BTF3L4: variants seen among roughly 807,000 people sequenced by gnomAD.
BTF3L4 encodes transcription factor BTF3 homolog 4.
A neutral mutation model predicts 16.8 loss-of-function variants in BTF3L4; 6 were observed. The observed-to-expected ratio is 0.36, with a 90% CI of 0.20 to 0.71. The LOEUF is 0.71. Ranked by LOEUF, BTF3L4 falls within the 30% of genes least tolerant of loss-of-function variation. The probability of loss-of-function intolerance (pLI) is 0.58; values close to 1 mark genes in which losing one functional copy is unlikely to be tolerated. For missense variants in BTF3L4, 92 were observed against 186.9 expected, an observed-to-expected ratio of 0.49 and a Z score of 2.96; for synonymous variants, 39 against 59.8, an observed-to-expected ratio of 0.65 and a Z score of 1.60.
intron 3 of BTF3L4, among the ~76,000 whole-genome samples, chr1:52,074,327 A>C (rs997814147): frequency 1.3e-5 from 2 of 151,602 alleles, no homozygotes; most frequent in African/African-American, 2.4e-5. Context: ...ACTCCCAAGT[A>C]GTAGCCGGGA....
At chr1:52,084,742 T>G (rs2124448040) in intron 4 of BTF3L4, among the ~76,000 whole-genome samples, 1 of 150,530 alleles carries the variant, frequency 6.6e-6, no homozygotes, top group African/African-American at 2.4e-5. Context: ...CAGTGAGCTA[T>G]GGAAAGCCAC....
intron 1 of BTF3L4, among the ~76,000 whole-genome samples, chr1:52,059,595 A>T (rs933658950): frequency 3.3e-5 from 5 of 152,190 alleles, no homozygotes; most frequent in Non-Finnish European, 7.4e-5. Context: ...TTTGAATCCC[A>T]TTCTACTTTC....
At chr1:52,059,137 T>A (rs1686448047) in intron 1 of BTF3L4, among the ~76,000 whole-genome samples, 1 of 151,960 alleles carries the variant, frequency 6.6e-6, no homozygotes, top group Non-Finnish European at 1.5e-5. Context: ...CAATGAAGCA[T>A]TTTACCCTGT....
At position 52,061,680 on chromosome 1, in the gene BTF3L4, G is replaced by A. The variant is rs545822466; in HGVS notation, c.54+1779G>A. 8.7e-5 allele frequency among the ~76,000 whole-genome samples: 8 copies of A among 92,020 alleles called. No individual in the cohort carries two copies. In the South Asian group the frequency reaches 2.4e-3, roughly 28 times the overall value. The allele number at this position is 92,020 out of a possible 152,430, so 60.4% of individuals were successfully genotyped here. ...TTTGAGACGGAGTTTTGGTCTTGTT[G>A]CCCAGGCTGGAGTTCAATGGCACGA... On this transcript the variant is annotated intron_variant, in intron 2 of 5. Coordinates refer to ENST00000313334, the MANE Select transcript of BTF3L4 (RefSeq NM_152265.5).
At chr1:52,066,181 C>G (rs1686642946) in intron 3 of BTF3L4, among the ~76,000 whole-genome samples, 1 of 151,906 alleles carries the variant, frequency 6.6e-6, no homozygotes, top group Non-Finnish European at 1.5e-5. Context: ...TGCACCTCTG[C>G]CTGATGATTC....
intron 2 of BTF3L4, among the ~76,000 whole-genome samples, chr1:52,060,144 A>T (rs1686471899): frequency 6.6e-6 from 1 of 152,196 alleles, no homozygotes; most frequent in South Asian, 2.1e-4. Context: ...TAGTTATATG[A>T]TGTGAACAAG....
chr1:52,075,485 A>G (rs1295925726), intron 3 of BTF3L4, among the ~76,000 whole-genome samples: 5 of 149,522 alleles, frequency 3.3e-5, no homozygotes, highest in Non-Finnish European at 1.5e-5. Context: ...TCGCACCACT[A>G]CACTACAGCC....
At chr1:52,071,931 C>CTGTGTGTGTGTGTGTGTGTG (rs59491944) in intron 3 of BTF3L4, among the ~76,000 whole-genome samples, 2 of 127,898 alleles carry the variant, frequency 1.6e-5, no homozygotes, top group Admixed American at 8.2e-5. Flanking sequence ...GTTTTTTACT[C>CTGTGTGTGTGTGTGTGTGTG]TGTGTGTGTG....
intron 3 of BTF3L4, among the ~76,000 whole-genome samples, chr1:52,067,754 C>G (rs1686691150): frequency 6.6e-6 from 1 of 152,256 alleles, no homozygotes; most frequent in Non-Finnish European, 1.5e-5. Context: ...TACCTTTCTA[C>G]CCTTCAACTC....
intron 2 of BTF3L4, among the ~76,000 whole-genome samples, chr1:52,062,194 G>A (rs1011997716): frequency 2.4e-5 from 3 of 126,626 alleles, no homozygotes; most frequent in East Asian, 2.4e-4. Context: ...CGCCCGCCTC[G>A]GCCTTTTTTT....
chr1:52,060,374 A>G (rs1686479200), intron 2 of BTF3L4: 3 of 909,684 alleles, frequency 3.3e-6, no homozygotes, highest in Non-Finnish European at 4.5e-6. Context: ...ACCTACTTGT[A>G]CAGAGGTTTA....
intron 3 of BTF3L4, among the ~76,000 whole-genome samples, chr1:52,066,728 C>A (rs1432398482): frequency 2.0e-5 from 3 of 151,396 alleles, no homozygotes; most frequent in Non-Finnish European, 2.9e-5. Context: ...CACCTGTAGT[C>A]CCAGCTACTC....
intron 1 of BTF3L4, among the ~76,000 whole-genome samples, chr1:52,056,980 T>A (rs1360718502): frequency 6.6e-6 from 1 of 152,210 alleles, no homozygotes; most frequent in African/African-American, 2.4e-5. Context: ...CAGTTTACCA[T>A]AGTTGTCCCC....
intron 2 of BTF3L4, chr1:52,060,526 T>C (rs1162820544): frequency 8.0e-7 from 1 of 1,243,420 alleles, no homozygotes; most frequent in South Asian, 1.3e-5. Context: ...AAGAACTAGT[T>C]GTGAGCAACT....
In BTF3L4 at chr1:52,059,175, A is replaced by T. The variant is rs578071566; in HGVS notation, c.-13-660A>T. Among the ~76,000 whole-genome samples, 32 of 152,306 alleles carry T rather than the reference A, an allele frequency of 2.1e-4. 1 individual carries two copies. In the South Asian group the frequency reaches 4.6e-3, roughly 22 times the overall value. On this transcript the variant is annotated intron_variant, in intron 1 of 5. Coordinates refer to ENST00000313334, the MANE Select transcript of BTF3L4 (RefSeq NM_152265.5). ...GCAAGAATGTCTTGACAAGTATAAC[A>T]TACTATATCAGTGCAGGGTATTGAA...
chr1:52,059,780 G>C, intron 1 of BTF3L4, 55 bp from the exon 2 acceptor site: 1 of 1,530,524 alleles, frequency 6.5e-7, no homozygotes, highest in Non-Finnish European at 9.0e-7. Context: ...TGCATAAACA[G>C]TTTGTTAATT....
intron 3 of BTF3L4, among the ~76,000 whole-genome samples, chr1:52,077,294 C>T (rs1228793441): frequency 6.6e-6 from 1 of 152,238 alleles, no homozygotes; most frequent in Non-Finnish European, 1.5e-5. Context: ...GTAATCACAA[C>T]ACTTTGGGAG....
At chr1:52,065,001 T>G (rs1686609149) in intron 3 of BTF3L4, 63 bp downstream of exon 3, 2 of 911,704 alleles carry the variant, frequency 2.2e-6, no homozygotes, top group South Asian at 3.5e-5. Context: ...GTCTGGACCT[T>G]TCAGATGTAA....
At chr1:52,085,220 C>T (rs1020638937) in intron 4 of BTF3L4, among the ~76,000 whole-genome samples, 4 of 151,326 alleles carry the variant, frequency 2.6e-5, no homozygotes, top group African/African-American at 9.7e-5. Context: ...AGGGTTTCAC[C>T]GTCTTGGCCC....
Sources: allele counts gnomAD v4.1 joint callset (sites outside exome capture counted in the v4.1 genomes callset), GRCh38; gene constraint gnomAD v4.1.1; transcripts MANE v1.5; gene names NCBI Gene and HGNC (gene_info 2026-07-23, HGNC 2026-07-21).